The following RCOR1 variants were observed in gnomAD, a reference collection of about 807,000 sequenced individuals.
The protein encoded by RCOR1 is REST corepressor.
In RCOR1, 12 loss-of-function variants were observed where a neutral mutation model predicts 64.0. The observed-to-expected ratio is 0.19, with a 90% CI of 0.12 to 0.30. The LOEUF (loss-of-function observed/expected upper bound fraction) is 0.30, where lower values mean the gene tolerates loss of function less well. Among genes scored for constraint, RCOR1 ranks in the 10% least tolerant of loss-of-function variants. The pLI, the probability that RCOR1 is intolerant of heterozygous loss-of-function variation, is 1.00. For missense variants in RCOR1, 502 were observed against 621.2 expected (o/e 0.81, Z 2.04); for synonymous variants, 279 against 227.2 (o/e 1.23, Z -2.05).
At position 102,726,605 on chromosome 14, in the gene RCOR1, G is replaced by A; in HGVS notation, c.*99G>A. 1 of 1,039,284 alleles carries A rather than the reference G, an allele frequency of 9.6e-7. No homozygotes were observed. The highest frequency in any genetic ancestry group is 1.4e-6 in the Non-Finnish European group (1 of 691,528). The allele number at this position is 1,039,284 out of a possible 1,614,324, so 64.4% of individuals were successfully genotyped here. A position where few individuals can be genotyped will look rare whatever the true frequency, so the allele number is the denominator to read the frequency against. On this transcript the variant is annotated 3_prime_UTR_variant, in exon 12 of 12. Coordinates refer to ENST00000262241, the MANE Select transcript of RCOR1 (RefSeq NM_015156.4). ...TAGCCATCTGCATCACATCTCTCTGGACAAGCAGCTATTACCAAAAAAGGC... is the reference window on the plus strand; with the variant it reads ...TAGCCATCTGCATCACATCTCTCTGAACAAGCAGCTATTACCAAAAAAGGC...
intron 2 of RCOR1, among the ~76,000 whole-genome samples, chr14:102,675,246 A>T (rs535693585): frequency 6.6e-6 from 1 of 152,036 alleles, no homozygotes; most frequent in Non-Finnish European, 1.5e-5. Context: ...CATGTATACA[A>T]TACTCCTCCC....
intron 2 of RCOR1, among the ~76,000 whole-genome samples, chr14:102,623,570 G>T (rs1208383472): frequency 6.6e-6 from 1 of 151,330 alleles, no homozygotes; most frequent in Non-Finnish European, 1.5e-5. Flanking sequence ...CACCACGCCT[G>T]GCTAATTTTT....
chr14:102,683,312 G>C lies in RCOR1; in HGVS notation c.445+1334G>C, dbSNP rs1895343865. On this transcript the variant is annotated intron_variant, in intron 3 of 11. Transcript: ENST00000262241. ...CACTTGAGCCAGGCCAGAGGCATAGGAGGACCAAATTTGACAGATATCAAT... is the reference window on the plus strand; with the variant it reads ...CACTTGAGCCAGGCCAGAGGCATAGCAGGACCAAATTTGACAGATATCAAT... Among the ~76,000 whole-genome samples, 3 of 152,202 alleles carry C rather than the reference G, an allele frequency of 2.0e-5. No individual in the cohort carries two copies. In the South Asian group the frequency reaches 6.2e-4, roughly 32 times the overall value.
intron 2 of RCOR1, among the ~76,000 whole-genome samples, chr14:102,619,277 C>T (rs1157201811): frequency 2.0e-5 from 3 of 152,066 alleles, no homozygotes; most frequent in Admixed American, 6.6e-5. Context: ...GTGCACTACA[C>T]GCCCAGCTAA....
intron 7 of RCOR1, among the ~76,000 whole-genome samples, chr14:102,712,578 A>G (rs1025668258): frequency 6.7e-6 from 1 of 150,196 alleles, no homozygotes; most frequent in African/African-American, 2.5e-5. Context: ...ATAACTCACT[A>G]TCTGTGCTCA....
At chr14:102,643,143 G>C (rs1481030373) in intron 2 of RCOR1, 1 of 152,858 alleles carries the variant, frequency 6.5e-6, no homozygotes, top group Non-Finnish European at 1.5e-5. Context: ...TTAGCCGGGC[G>C]TGGTGGCGGG....
intron 2 of RCOR1, among the ~76,000 whole-genome samples, chr14:102,665,573 C>T (rs1366925999): frequency 6.6e-6 from 1 of 152,106 alleles, no homozygotes; most frequent in African/African-American, 2.4e-5. Context: ...CATAGAAACC[C>T]ATGCAAGGTA....
chr14:102,712,054 C>A (rs990837363), intron 7 of RCOR1, among the ~76,000 whole-genome samples: 5 of 151,950 alleles, frequency 3.3e-5, no homozygotes, highest in African/African-American at 1.2e-4. Flanking sequence ...CTGTGTCACC[C>A]AGGTTGGAAT....
intron 2 of RCOR1, among the ~76,000 whole-genome samples, chr14:102,622,596 AG>A (rs1893896428): frequency 6.6e-6 from 1 of 152,062 alleles, no homozygotes; most frequent in African/African-American, 2.4e-5. Context: ...ACGGTATATC[AG>A]CAAAATTCCC....
chr14:102,668,406 C>T (rs1040262677), intron 2 of RCOR1, among the ~76,000 whole-genome samples: 1 of 152,126 alleles, frequency 6.6e-6, no homozygotes, highest in Non-Finnish European at 1.5e-5. Context: ...AGTGGCAGTA[C>T]AAGAATGAAG....
chr14:102,682,021 G>GT, intron 3 of RCOR1, 43 bp downstream of exon 3: 1 of 1,419,642 alleles, frequency 7.0e-7, no homozygotes, highest in Non-Finnish European at 1.0e-6. Context: ...CTTGTTTAAT[G>GT]TAAGGTTTTA....
chr14:102,641,552 A>T (rs1236112338), intron 2 of RCOR1, among the ~76,000 whole-genome samples: 1 of 152,064 alleles, frequency 6.6e-6, no homozygotes, highest in Non-Finnish European at 1.5e-5. Context: ...GTGAGCCAAG[A>T]TGTCGCCACT....
chr14:102,635,361 G>A (rs541091821), intron 2 of RCOR1, among the ~76,000 whole-genome samples: 7 of 152,144 alleles, frequency 4.6e-5, no homozygotes, highest in Non-Finnish European at 8.8e-5. Context: ...AAAAGTAGCC[G>A]GGTGTCATGG....
intron 2 of RCOR1, chr14:102,662,148 C>T (rs985610766): frequency 2.9e-5 from 11 of 375,814 alleles, no homozygotes; most frequent in African/African-American, 1.9e-4. Flanking sequence ...TTTCCCAAGT[C>T]ATTAAATGTA....
At chr14:102,688,900 G>T (rs563026379) in intron 3 of RCOR1, among the ~76,000 whole-genome samples, 3 of 152,102 alleles carry the variant, frequency 2.0e-5, no homozygotes, top group African/African-American at 7.2e-5. Flanking sequence ...CAGGCTGCCC[G>T]CCTTTGGGGA....
At chr14:102,722,732 A>G (rs1402177866) in intron 11 of RCOR1, among the ~76,000 whole-genome samples, 4 of 152,242 alleles carry the variant, frequency 2.6e-5, no homozygotes, top group Non-Finnish European at 5.9e-5. Context: ...GTGGGGGCAT[A>G]AACAAAAAGT....
At chr14:102,711,064 T>C in intron 7 of RCOR1, 51 bp downstream of exon 7, 2 of 1,208,402 alleles carry the variant, frequency 1.7e-6, no homozygotes, top group Non-Finnish European at 2.4e-6. Flanking sequence ...ATTACTAGTT[T>C]CATAAATAAA....
At chr14:102,622,828 T>C (rs1893902521) in intron 2 of RCOR1, among the ~76,000 whole-genome samples, 1 of 152,202 alleles carries the variant, frequency 6.6e-6, no homozygotes, top group Non-Finnish European at 1.5e-5. Flanking sequence ...TAAAAACACC[T>C]CTGAATGTGA....
intron 2 of RCOR1, among the ~76,000 whole-genome samples, chr14:102,604,277 A>C (rs1172473129): frequency 6.6e-6 from 1 of 152,220 alleles, no homozygotes; most frequent in Non-Finnish European, 1.5e-5. Flanking sequence ...TTAAAGTTAC[A>C]GCTTTGATCC....
Sources: allele counts gnomAD v4.1 joint callset (sites outside exome capture counted in the v4.1 genomes callset), GRCh38; gene constraint gnomAD v4.1.1; transcripts MANE v1.5; gene names NCBI Gene and HGNC (gene_info 2026-07-23, HGNC 2026-07-21).